TBC1D9B: variants seen among roughly 807,000 people sequenced by gnomAD.
TBC1D9B encodes the protein TBC1 domain family member 9B.
In TBC1D9B, 87 loss-of-function variants were observed where a neutral mutation model predicts 121.1. The ratio of observed to expected loss-of-function variants is 0.72; its 90% CI spans 0.60 to 0.86. The LOEUF (loss-of-function observed/expected upper bound fraction) is 0.86, where lower values mean the gene tolerates loss of function less well. TBC1D9B is among the 40% of genes least tolerant of loss of function. The pLI is 0.00. For missense variants in TBC1D9B, 1,540 were observed against 1,628.6 expected (o/e 0.95, Z 0.94); for synonymous variants, 668 against 670.1 (o/e 1.00, Z 0.05).
intron 1 of TBC1D9B, among the ~76,000 whole-genome samples, 192 bp from the exon 2 acceptor site, chr5:179,905,004 C>T (rs1316571564): frequency 6.6e-6 from 1 of 152,236 alleles, no homozygotes; most frequent in Non-Finnish European, 1.5e-5. Flanking sequence ...AAAACATCCC[C>T]TTCTACTTCT....
At chr5:179,870,519 C>A in intron 15 of TBC1D9B, 24 bp from the exon 16 acceptor site, 1 of 1,588,026 alleles carries the variant, frequency 6.3e-7, no homozygotes, top group Non-Finnish European at 8.5e-7. Flanking sequence ...TCTGGTGAGA[C>A]GGTCCAGCCG....
At position 179,880,058 on chromosome 5, in the gene TBC1D9B, C is replaced by A. The variant is rs1346576026; in HGVS notation, c.1255-269G>T. The A allele has an allele frequency of 4.1e-5, 22 of 534,000 alleles. No homozygotes were observed. In the South Asian group the frequency reaches 5.0e-4, roughly 12 times the overall value. The allele number at this position is 534,000 out of a possible 1,614,324, so 33.1% of individuals were successfully genotyped here. On this transcript the variant is annotated intron_variant, in intron 7 of 20. Coordinates refer to ENST00000355235, the MANE Select transcript of TBC1D9B (RefSeq NM_015043.4). Reference sequence around the variant, plus strand: ...TCTCAGGGAGCGGGTTCTGGGCTCACCCTGTGGGGCCCTTTTCTGAGGGGG... The same window carrying A: ...TCTCAGGGAGCGGGTTCTGGGCTCAACCTGTGGGGCCCTTTTCTGAGGGGG...
At chr5:179,903,910 C>G (rs1761230567) in intron 2 of TBC1D9B, among the ~76,000 whole-genome samples, 1 of 152,206 alleles carries the variant, frequency 6.6e-6, no homozygotes, top group Non-Finnish European at 1.5e-5. Context: ...TCGTCCTGTT[C>G]TGCCTCAGCT....
intron 5 of TBC1D9B, among the ~76,000 whole-genome samples, chr5:179,892,696 C>A (rs933078591): frequency 6.6e-6 from 1 of 152,160 alleles, no homozygotes. Context: ...CCCTGGGGGT[C>A]CCATGGCTGT....
At chr5:179,864,581 G>A (rs1561630954) in intron 20 of TBC1D9B, among the ~76,000 whole-genome samples, 2 of 127,386 alleles carry the variant, frequency 1.6e-5, no homozygotes, top group South Asian at 2.8e-4. Flanking sequence ...TGGGGAGGGG[G>A]ATCCTGGGGA....
At chr5:179,882,048 A>G (rs1348922931) in intron 7 of TBC1D9B, among the ~76,000 whole-genome samples, 1 of 137,064 alleles carries the variant, frequency 7.3e-6, no homozygotes, top group African/African-American at 2.5e-5. Flanking sequence ...GGGCTCAGGC[A>G]ATTCTCCTGC....
At position 179,865,635 on chromosome 5, in the gene TBC1D9B, A is replaced by G; in HGVS notation, c.2914+203T>C. The G allele has an allele frequency of 1.6e-6, 1 of 640,812 alleles. No homozygotes were observed. Among genetic ancestry groups the G allele is most frequent in the Non-Finnish European group, 2.7e-6 (1 of 371,058 alleles). The allele number at this position is 640,812 out of a possible 1,614,324, so 39.7% of individuals were successfully genotyped here. On this transcript the variant is annotated intron_variant, in intron 19 of 20. Coordinates refer to ENST00000355235, the MANE Select transcript of TBC1D9B (RefSeq NM_015043.4). The surrounding 1 kb of genome is among the most constrained non-coding windows in gnomAD (Gnocchi z 5.1). ...ACAGGGCAGCTGGAGAGAAGCTGGC[A>G]AGAGAGGGCTGGCTGGGTGCCCGTG...
intron 14 of TBC1D9B, 36 bp downstream of exon 14, chr5:179,872,856 A>ACCCCACCCCCCCCCC: frequency 1.2e-6 from 1 of 868,374 alleles, no homozygotes; most frequent in Admixed American, 2.7e-5. Flanking sequence ...CTGCCCCCCC[A>ACCCCACCCCCCCCCC]GCCCAGCCCC....
At position 179,907,811 on chromosome 5, in the gene TBC1D9B, C is replaced by T. The variant is rs767091996; in HGVS notation, c.11G>A (p.Ser4Asn). ...ATTGGCCACCAGCACCTCCTCCGGGCTCAGCCACATCGCGGAGCCGCTCGC... is the reference window on the plus strand; with the variant it reads ...ATTGGCCACCAGCACCTCCTCCGGGTTCAGCCACATCGCGGAGCCGCTCGC... Reference protein sequence around the residue: MWLSPEEVLVANAL... With the variant: MWLNPEEVLVANAL... The change falls in exon 1 of 21, where the codon AGC becomes AAC. Residue 4 changes from serine (S) to asparagine (N), a missense_variant. Coordinates refer to ENST00000355235, the MANE Select transcript of TBC1D9B (RefSeq NM_015043.4). The surrounding 1 kb of genome is among the most constrained non-coding windows in gnomAD (Gnocchi z 5.3). The T allele has an allele frequency of 8.4e-7, 1 of 1,195,108 alleles. No individual in the cohort carries two copies. The highest frequency in any genetic ancestry group is 1.1e-6 in the Non-Finnish European group (1 of 938,260). The allele number at this position is 1,195,108 out of a possible 1,614,324, so 74.0% of individuals were successfully genotyped here. A position where few individuals can be genotyped will look rare whatever the true frequency, so the allele number is the denominator to read the frequency against.
chr5:179,894,459 G>A lies in TBC1D9B; in HGVS notation c.504C>T (p.Arg168=), dbSNP rs141960764. Residue 168 remains arginine, a synonymous_variant, in exon 4 of 21, where the codon CGC becomes CGT. Coordinates refer to ENST00000355235, the MANE Select transcript of TBC1D9B (RefSeq NM_015043.4). ...GGTACAGCCAGCCCTGCCGGGGCAC[G>A]CGGCCCTTCCAGTAGCTGCAGGAGT... ...NYYSCSYWKG[R]VPRQGWLYLT... 301 of 1,614,184 alleles carry A rather than the reference G, an allele frequency of 1.9e-4. No homozygotes were observed. The African/African-American group carries it at 2.6e-3, about 14-fold the overall frequency.
intron 3 of TBC1D9B, among the ~76,000 whole-genome samples, chr5:179,897,108 T>C (rs1040142822): frequency 2.6e-5 from 4 of 151,394 alleles, no homozygotes; most frequent in South Asian, 2.1e-4. Flanking sequence ...GGGGTTTCAC[T>C]GTGTTAGCCA....
intron 18 of TBC1D9B, chr5:179,866,888 T>C (rs1353386738): frequency 6.5e-6 from 1 of 153,818 alleles, no homozygotes; most frequent in Non-Finnish European, 1.4e-5. Flanking sequence ...GGTGGCATTA[T>C]GGTCGGTTTT....
Position 179,863,936 on chromosome 5 carries a change from G to C in TBC1D9B, c.3214C>G (p.Pro1072Ala). ...CATEEDEPPA[P>A]ELHQDAAREL... is the part of the protein sequence containing the mutation. ...CTGGCTGCGTCCTGATGCAGTTCGG[G>C]TGCTGGTGGCTCGTCCTCCTCAGTG... The change falls in exon 21 of 21, where the codon CCC (proline) becomes GCC (alanine). Residue 1072 changes from proline (P) to alanine (A), a missense_variant. Pro to Ala is a conservative substitution (Grantham distance 27, BLOSUM62 -1). Coordinates refer to ENST00000355235, the MANE Select transcript of TBC1D9B (RefSeq NM_015043.4). This position sits in a 1 kb window ranked among gnomAD's most constrained non-coding sequence, Gnocchi z 4.5. 6.2e-7 allele frequency: 1 copy of C among 1,613,916 alleles called. No homozygotes were observed. The highest frequency in any genetic ancestry group is 2.2e-5 in the East Asian group (1 of 44,884).
Position 179,869,838 on chromosome 5 carries a change from TGGA to T in TBC1D9B, c.2726-7_2726-5del. On this transcript the variant is annotated splice_region_variant and splice_polypyrimidine_tract_variant and intron_variant, in intron 16 of 20. Transcript: ENST00000355235. Reference sequence around the variant, plus strand: ...AGGTCCCCGTGGTACATCCCGCCTGTGGAGAAGGCCAGGGAGGGCTGGGTCTGG... The same window carrying T: ...AGGTCCCCGTGGTACATCCCGCCTGTGAAGGCCAGGGAGGGCTGGGTCTGG... The T allele has an allele frequency of 6.5e-7, 1 of 1,545,486 alleles. No homozygotes were observed. The highest frequency in any genetic ancestry group is 8.7e-7 in the Non-Finnish European group (1 of 1,145,146).
At chr5:179,898,907 A>G (rs1761085595) in intron 3 of TBC1D9B, among the ~76,000 whole-genome samples, 1 of 152,278 alleles carries the variant, frequency 6.6e-6, no homozygotes, top group South Asian at 2.1e-4. Flanking sequence ...TCTGGCAAAC[A>G]GAACCGTCTA....
At position 179,891,542 on chromosome 5, in the gene TBC1D9B, A is replaced by C. The variant is rs777601642; in HGVS notation, c.881T>G (p.Phe294Cys). 1.2e-6 allele frequency: 2 copies of C among 1,614,002 alleles called. No individual in the cohort carries two copies. Among genetic ancestry groups the C allele is most frequent in the Non-Finnish European group, 1.7e-6 (2 of 1,180,018 alleles). The change falls in exon 6 of 21, where the codon TTC becomes TGC. Residue 294 changes from phenylalanine to cysteine, a missense_variant. Phe to Cys is a radical substitution (Grantham distance 205, BLOSUM62 -2). Transcript: ENST00000355235. This position sits in a 1 kb window ranked among gnomAD's most constrained non-coding sequence, Gnocchi z 4.3. ...TAGCCGCTCATCCCTGGGCAGCCGG[A>C]ACGTGGCTCGGTAGCACTCATTCTT... The part of the protein sequence containing the change: ...RAKNECYRAT[F>C]RLPRDERLDG...
At position 179,865,322 on chromosome 5, in the gene TBC1D9B, G is replaced by T; in HGVS notation, c.2953C>A (p.Leu985Ile). The change falls in exon 20 of 21, where the codon CTT (leucine) becomes ATT (isoleucine). Residue 985 changes from leucine to isoleucine, a missense_variant. Leu to Ile is a conservative substitution (Grantham distance 5). Transcript: ENST00000355235. The surrounding 1 kb of genome is among the most constrained non-coding windows in gnomAD (Gnocchi z 5.1). ...TCTTTCTCCTTGGCCCACATTCGAAGGTAGTGCCGATAGTCCGGAGAGCTG... is the reference window on the plus strand; with the variant it reads ...TCTTTCTCCTTGGCCCACATTCGAATGTAGTGCCGATAGTCCGGAGAGCTG... ...GTSSPDYRHY[L>I]RMWAKEKEAQ... 1.2e-6 allele frequency: 2 copies of T among 1,614,072 alleles called. No individual in the cohort carries two copies. The highest frequency in any genetic ancestry group is 1.7e-6 in the Non-Finnish European group (2 of 1,180,028).
At chr5:179,879,491 G>T in intron 8 of TBC1D9B, 137 bp downstream of exon 8, 2 of 1,358,256 alleles carry the variant, frequency 1.5e-6, no homozygotes, top group Non-Finnish European at 2.0e-6. Flanking sequence ...CACGCTGCCA[G>T]GGTGCAGCCT....
Position 179,865,169 on chromosome 5 carries a change from C to A in TBC1D9B, c.3021+85G>T. 2 of 1,282,734 alleles carry A rather than the reference C, an allele frequency of 1.6e-6. No individual in the cohort carries two copies. Among genetic ancestry groups the A allele is most frequent in the Non-Finnish European group, 2.3e-6 (2 of 882,938 alleles). The allele number at this position is 1,282,734 out of a possible 1,614,324, so 79.5% of individuals were successfully genotyped here. A position where few individuals can be genotyped will look rare whatever the true frequency, so the allele number is the denominator to read the frequency against. On this transcript the variant is annotated intron_variant, in intron 20 of 20. Transcript: ENST00000355235. This position sits in a 1 kb window ranked among gnomAD's most constrained non-coding sequence, Gnocchi z 5.1. ...GAGCCTTCCCACCCACCAGGAGATG[C>A]TGCAGTGCAGGTGCGGTGATGTTAG... is the stretch of plus-strand genomic sequence containing the variant.
Sources: gnomAD v4.1 joint callset for allele counts (sites outside exome capture counted in the v4.1 genomes callset) on GRCh38, gnomAD v4.1.1 for gene constraint, Gnocchi (gnomAD v3.1) non-coding constraint, MANE v1.5 for transcripts, NCBI Gene and HGNC (gene_info 2026-07-23, HGNC 2026-07-21) for gene names.